MAP4K3: variants seen among roughly 807,000 people sequenced by gnomAD.
The protein encoded by MAP4K3 is MAPK/ERK kinase kinase kinase 3.
In MAP4K3, 94 loss-of-function variants were observed where a neutral mutation model predicts 143.5. The ratio of observed to expected loss-of-function variants is 0.65; its 90% CI spans 0.55 to 0.78. The LOEUF (loss-of-function observed/expected upper bound fraction) is 0.78, where lower values mean the gene tolerates loss of function less well. Among genes scored for constraint, MAP4K3 ranks in the 30% least tolerant of loss-of-function variants. MAP4K3 has a pLI of 0.00. For synonymous variants in MAP4K3, 416 were observed against 347.2 expected (o/e 1.20, Z -2.20); for missense variants, 1,077 against 1,068.1 (o/e 1.01, Z -0.12).
intron 1 of MAP4K3, among the ~76,000 whole-genome samples, chr2:39,412,537 CT>C (rs60914144): frequency 0.89 from 135,724 of 152,156 alleles, 60,643 homozygotes; most frequent in Non-Finnish European, 0.91. Context: ...TAGAATATGA[CT>C]TGAGATAAGC....
chr2:39,413,547 A>G (rs1667287810), intron 1 of MAP4K3, among the ~76,000 whole-genome samples: 1 of 152,210 alleles, frequency 6.6e-6, no homozygotes, highest in Admixed American at 6.5e-5. Flanking sequence ...TCCAGTCACT[A>G]CAATGACTGC....
intron 3 of MAP4K3, among the ~76,000 whole-genome samples, chr2:39,353,461 T>C (rs1459957621): frequency 6.6e-6 from 1 of 152,228 alleles, no homozygotes; most frequent in Non-Finnish European, 1.5e-5. Flanking sequence ...TGTTTCTTAA[T>C]ATTAGATTGT....
intron 2 of MAP4K3, among the ~76,000 whole-genome samples, chr2:39,365,654 C>A (rs1383975039): frequency 6.6e-6 from 1 of 151,310 alleles, no homozygotes; most frequent in Non-Finnish European, 1.5e-5. Context: ...CCTTGTTAGC[C>A]AGGATGGTCT....
At chr2:39,382,251 C>T (rs1207084106) in intron 1 of MAP4K3, among the ~76,000 whole-genome samples, 1 of 152,058 alleles carries the variant, frequency 6.6e-6, no homozygotes, top group Non-Finnish European at 1.5e-5. Flanking sequence ...TCATTAAGAG[C>T]CAAAAAATGT....
chr2:39,308,300 T>A (rs1682791597), intron 14 of MAP4K3, among the ~76,000 whole-genome samples: 1 of 152,190 alleles, frequency 6.6e-6, no homozygotes, highest in Non-Finnish European at 1.5e-5. Context: ...TTTATAAATA[T>A]CATGACTACT....
At chr2:39,270,411 A>G (rs1680964321) in intron 26 of MAP4K3, among the ~76,000 whole-genome samples, 1 of 152,204 alleles carries the variant, frequency 6.6e-6, no homozygotes, top group Non-Finnish European at 1.5e-5. Flanking sequence ...AATGTATTTA[A>G]CATAGGATAT....
At chr2:39,397,166 A>G (rs1666831468) in intron 1 of MAP4K3, among the ~76,000 whole-genome samples, 1 of 152,200 alleles carries the variant, frequency 6.6e-6, no homozygotes, top group South Asian at 2.1e-4. Context: ...TGGATAGTGT[A>G]ATGTCTCTCA....
Position 39,289,288 on chromosome 2 carries a change from T to C in MAP4K3, c.1314+1004A>G, listed in dbSNP as rs17023603. On this transcript the variant is annotated intron_variant, in intron 19 of 33. Transcript: ENST00000263881. ...ACAAGCAAGTACAGCATTATTTACT[T>C]GCATGAATCAGGATTTTCTCAATTG... Among the ~76,000 whole-genome samples, 1,274 of 152,294 alleles carry C rather than the reference T, an allele frequency of 8.4e-3. 17 individuals carry two copies. Among genetic ancestry groups the C allele is most frequent in the African/African-American group, 0.029 (1,219 of 41,564 alleles).
chr2:39,339,176 C>T (rs368523823), intron 4 of MAP4K3, among the ~76,000 whole-genome samples: 27 of 152,216 alleles, frequency 1.8e-4, no homozygotes, highest in East Asian at 1.7e-3. Context: ...TGGTATTTTA[C>T]AATTATGAAA....
intron 21 of MAP4K3, among the ~76,000 whole-genome samples, chr2:39,285,688 A>G (rs538403314): frequency 6.6e-6 from 1 of 152,358 alleles, no homozygotes; most frequent in Admixed American, 6.5e-5. Context: ...TGCAGAAACC[A>G]TAGCATACTG....
intron 2 of MAP4K3, among the ~76,000 whole-genome samples, chr2:39,361,914 CA>C (rs1167015921): frequency 6.6e-6 from 1 of 151,390 alleles, no homozygotes; most frequent in East Asian, 1.9e-4. Context: ...ATAAAGATGA[CA>C]AAAGGAAAAT....
At chr2:39,275,440 C>T (rs1325666739) in intron 24 of MAP4K3, among the ~76,000 whole-genome samples, 5 of 152,192 alleles carry the variant, frequency 3.3e-5, no homozygotes, top group African/African-American at 1.2e-4. Context: ...TGTGTTCACG[C>T]CACTGCCCTC....
At chr2:39,322,596 G>GTGTGTGTA (rs1390995131) in intron 12 of MAP4K3, among the ~76,000 whole-genome samples, 1 of 131,418 alleles carries the variant, frequency 7.6e-6, no homozygotes, top group Non-Finnish European at 1.6e-5. Flanking sequence ...TGGTATATGT[G>GTGTGTGTA]TGTGTGTGTG....
chr2:39,274,858 T>G (rs1223408398), intron 24 of MAP4K3, among the ~76,000 whole-genome samples: 1 of 152,202 alleles, frequency 6.6e-6, no homozygotes, highest in Non-Finnish European at 1.5e-5. Flanking sequence ...CTATAAATAA[T>G]AAAAGCAGAT....
At chr2:39,362,737 C>T (rs1665805115) in intron 2 of MAP4K3, among the ~76,000 whole-genome samples, 1 of 151,864 alleles carries the variant, frequency 6.6e-6, no homozygotes, top group Non-Finnish European at 1.5e-5. Flanking sequence ...GCCAAATAGC[C>T]AAAACAATCT....
chr2:39,413,340 A>G (rs1222880790), intron 1 of MAP4K3, among the ~76,000 whole-genome samples: 1 of 152,220 alleles, frequency 6.6e-6, no homozygotes, highest in Non-Finnish European at 1.5e-5. Flanking sequence ...CGAGGGAGCT[A>G]GGAACAGAAC....
intron 22 of MAP4K3, among the ~76,000 whole-genome samples, chr2:39,281,411 A>G (rs528450369): frequency 6.6e-6 from 1 of 152,362 alleles, no homozygotes; most frequent in Admixed American, 6.5e-5. Flanking sequence ...TAGCTTGGCA[A>G]TACCATCAAG....
At chr2:39,310,996 T>C (rs1682919805) in intron 13 of MAP4K3, among the ~76,000 whole-genome samples, 1 of 152,208 alleles carries the variant, frequency 6.6e-6, no homozygotes, top group African/African-American at 2.4e-5. Flanking sequence ...GAAAAGAAGA[T>C]GATTAACAAA....
Position 39,337,237 on chromosome 2 carries a change from C to G in MAP4K3, c.367-270G>C, listed in dbSNP as rs536333496. On this transcript the variant is annotated intron_variant, in intron 5 of 33. Transcript: ENST00000263881. Reference sequence around the variant, plus strand: ...TAATTAGTATCAGAGTGTTTGAATTCCCATGATAGTGCTTAATTTTCAAGC... The same window carrying G: ...TAATTAGTATCAGAGTGTTTGAATTGCCATGATAGTGCTTAATTTTCAAGC... 2.6e-5 allele frequency among the ~76,000 whole-genome samples: 4 copies of G among 152,110 alleles called. No individual in the cohort carries two copies. In the East Asian group the frequency reaches 7.7e-4, roughly 29 times the overall value.
Sources: allele counts gnomAD v4.1 joint callset (sites outside exome capture counted in the v4.1 genomes callset), GRCh38; gene constraint gnomAD v4.1.1; transcripts MANE v1.5; gene names NCBI Gene and HGNC (gene_info 2026-07-23, HGNC 2026-07-21).